The following GPSM2 variants were observed in gnomAD, a reference collection of about 807,000 sequenced individuals.
GPSM2 encodes G protein signaling modulator 2.
A neutral mutation model predicts 78.4 loss-of-function variants in GPSM2; 58 were observed. The ratio of observed to expected loss-of-function variants is 0.74; its 90% CI spans 0.60 to 0.92. GPSM2 has a LOEUF of 0.92. Among genes scored for constraint, GPSM2 ranks in the 40% least tolerant of loss-of-function variants. GPSM2 has a pLI of 0.00. For missense variants in GPSM2, 700 were observed against 815.5 expected (o/e 0.86, Z 1.73); for synonymous variants, 224 against 280.2 (o/e 0.80, Z 2.00).
At chr1:108,879,088 C>G (rs1403400947) in intron 1 of GPSM2, among the ~76,000 whole-genome samples, 1 of 152,162 alleles carries the variant, frequency 6.6e-6, no homozygotes, top group Non-Finnish European at 1.5e-5. Flanking sequence ...TTGGAACTAT[C>G]TTGCTTCATT....
At chr1:108,920,549 A>T (rs1463792555) in intron 12 of GPSM2, among the ~76,000 whole-genome samples, 7 of 151,370 alleles carry the variant, frequency 4.6e-5, no homozygotes, top group Non-Finnish European at 1.0e-4. Context: ...TTTAAATTAG[A>T]GATTTCTTTT....
intron 12 of GPSM2, 123 bp downstream of exon 12, chr1:108,918,912 T>C (rs757702296): frequency 1.3e-5 from 9 of 694,042 alleles, no homozygotes; most frequent in Non-Finnish European, 2.3e-5. Context: ...TTTGTATTCA[T>C]ATTTCCCTAT....
chr1:108,905,874 A>G (rs1649180767), intron 10 of GPSM2, among the ~76,000 whole-genome samples: 1 of 152,194 alleles, frequency 6.6e-6, no homozygotes, highest in Non-Finnish European at 1.5e-5. Context: ...GTGAATTTTT[A>G]ATATTACTTA....
At chr1:108,895,972 G>A (rs1443575646) in intron 2 of GPSM2, among the ~76,000 whole-genome samples, 1 of 152,160 alleles carries the variant, frequency 6.6e-6, no homozygotes, top group African/African-American at 2.4e-5. Context: ...GTTAAAGATA[G>A]TGTGCCAATT....
intron 1 of GPSM2, among the ~76,000 whole-genome samples, chr1:108,884,528 A>G (rs1181509310): frequency 6.6e-6 from 1 of 152,214 alleles, no homozygotes; most frequent in Admixed American, 6.5e-5. Flanking sequence ...ACTAAATGGT[A>G]TCTTATTTAG....
At chr1:108,893,102 G>T (rs1240342376) in intron 2 of GPSM2, among the ~76,000 whole-genome samples, 1 of 152,144 alleles carries the variant, frequency 6.6e-6, no homozygotes, top group Non-Finnish European at 1.5e-5. Flanking sequence ...TCAATCTATA[G>T]CTAAGTTTTG....
At chr1:108,884,745 A>G (rs1647394594) in intron 1 of GPSM2, among the ~76,000 whole-genome samples, 1 of 152,224 alleles carries the variant, frequency 6.6e-6, no homozygotes, top group Non-Finnish European at 1.5e-5. Flanking sequence ...CCATATACAT[A>G]TTTCCCAAAT....
intron 12 of GPSM2, among the ~76,000 whole-genome samples, chr1:108,921,269 A>T (rs1255999541): frequency 6.6e-6 from 1 of 152,044 alleles, no homozygotes; most frequent in African/African-American, 2.4e-5. Flanking sequence ...AAAATACAAA[A>T]ATTAGCCAGG....
chr1:108,922,862 G>T (rs1650829206), intron 13 of GPSM2, among the ~76,000 whole-genome samples: 1 of 152,060 alleles, frequency 6.6e-6, no homozygotes, highest in Non-Finnish European at 1.5e-5. Context: ...AGGTGTGGTG[G>T]TGCATGCCTG....
intron 2 of GPSM2, among the ~76,000 whole-genome samples, chr1:108,891,439 AACCTGTCTCAGC>A (rs1470277259): frequency 1.3e-5 from 2 of 152,132 alleles, no homozygotes; most frequent in Non-Finnish European, 2.9e-5. Flanking sequence ...CAAGTCATTT[AACCTGTCTCAGC>A]ATCACTTTCT....
chr1:108,913,362 G>C (rs1054890899), intron 10 of GPSM2, among the ~76,000 whole-genome samples: 1 of 152,188 alleles, frequency 6.6e-6, no homozygotes, highest in Non-Finnish European at 1.5e-5. Flanking sequence ...CCACTCTACA[G>C]TCTGTTATTT....
At chr1:108,904,071 TCAC>T in intron 9 of GPSM2, 51 bp from the exon 10 acceptor site, 1 of 1,234,610 alleles carries the variant, frequency 8.1e-7, no homozygotes, top group South Asian at 1.2e-5. Flanking sequence ...CAAATAATCT[TCAC>T]CATTCTTTCT....
At chr1:108,902,575 T>A (rs1229142935) in intron 8 of GPSM2, among the ~76,000 whole-genome samples, 1 of 152,134 alleles carries the variant, frequency 6.6e-6, no homozygotes, top group African/African-American at 2.4e-5. Flanking sequence ...TTATATGAAA[T>A]CTGATTTTTA....
Position 108,898,970 on chromosome 1 carries a change from T to G in GPSM2, c.773T>G (p.Phe258Cys), listed in dbSNP as rs1648588334. 1.3e-6 allele frequency: 2 copies of G among 1,596,830 alleles called. No homozygotes were observed. The highest frequency in any genetic ancestry group is 1.7e-6 in the Non-Finnish European group (2 of 1,164,424). ...AATGCATATATATTTCTTGGTGAAT[T>G]TGAAACTGCCTCGGAATACTACAAG... is the stretch of plus-strand genomic sequence containing the variant. ...LGNAYIFLGE[F>C]ETASEYYKKT... Residue 258 changes from phenylalanine (F) to cysteine (C), a missense_variant, in exon 7 of 15, where the codon TTT (phenylalanine) becomes TGT (cysteine). Transcript: ENST00000264126.
chr1:108,901,637 A>ACCC (rs1385230441), intron 7 of GPSM2, among the ~76,000 whole-genome samples, 153 bp from the exon 8 acceptor site: 4 of 152,224 alleles, frequency 2.6e-5, no homozygotes, highest in Non-Finnish European at 5.9e-5. Flanking sequence ...TTTGTCTAAA[A>ACCC]GTAATGGAGA....
chr1:108,881,820 AT>A, intron 1 of GPSM2, among the ~76,000 whole-genome samples: 1 of 152,328 alleles, frequency 6.6e-6, no homozygotes, highest in East Asian at 1.9e-4. Context: ...AACTTTATTT[AT>A]ATTCATTTAC....
In GPSM2 at chr1:108,914,300, C is replaced by A. The variant is rs764224392; in HGVS notation, c.1193-38C>A. ...GATGCTGAACTTGTACTCTTAAGGG[C>A]TCCCTGGTTTATTTGAATTAATTTT... On this transcript the variant is annotated intron_variant, in intron 10 of 14. Coordinates refer to ENST00000264126, the MANE Select transcript of GPSM2 (RefSeq NM_013296.5). 3.7e-6 allele frequency: 5 copies of A among 1,369,212 alleles called. No individual in the cohort carries two copies. In the South Asian group the frequency reaches 4.7e-5, roughly 13 times the overall value. The allele number at this position is 1,369,212 out of a possible 1,614,324, so 84.8% of individuals were successfully genotyped here.
intron 5 of GPSM2, 107 bp downstream of exon 5, chr1:108,898,208 G>A: frequency 1.9e-6 from 2 of 1,071,532 alleles, no homozygotes; most frequent in South Asian, 2.6e-5. Flanking sequence ...AGATTTTAAA[G>A]TTATGAACTA....
intron 2 of GPSM2, among the ~76,000 whole-genome samples, chr1:108,894,286 T>C (rs1203645183): frequency 1.3e-5 from 2 of 152,248 alleles, no homozygotes; most frequent in Non-Finnish European, 2.9e-5. Flanking sequence ...AGGTTTCTGA[T>C]TTAACTGCTT....
Sources: allele counts gnomAD v4.1 joint callset (sites outside exome capture counted in the v4.1 genomes callset), GRCh38; gene constraint gnomAD v4.1.1; transcripts MANE v1.5; gene names NCBI Gene and HGNC (gene_info 2026-07-23, HGNC 2026-07-21).